Variants in ZDHHC5 observed in about 807,000 individuals in gnomAD.
ZDHHC5 encodes the protein zDHHC palmitoyltransferase 5.
ZDHHC5 carries 22 observed loss-of-function variants against 70.0 expected under a neutral mutation model. The observed-to-expected ratio is 0.31, with a 90% confidence interval of 0.22 to 0.45. The LOEUF is 0.45. ZDHHC5 is among the 20% of genes least tolerant of loss of function. The pLI is 1.00. For missense variants in ZDHHC5, 746 were observed against 926.9 expected (o/e 0.80, Z 2.53); for synonymous variants, 313 against 347.8 (o/e 0.90, Z 1.11).
At chr11:57,693,554 C>T (rs1423434388) in intron 7 of ZDHHC5, among the ~76,000 whole-genome samples, 2 of 152,150 alleles carry the variant, frequency 1.3e-5, no homozygotes, top group African/African-American at 2.4e-5. Context: ...GAATAAGATA[C>T]ACTCTAAAGT....
At chr11:57,669,558 G>A (rs1434386604) in intron 1 of ZDHHC5, among the ~76,000 whole-genome samples, 1 of 152,188 alleles carries the variant, frequency 6.6e-6, no homozygotes, top group East Asian at 1.9e-4. Context: ...CCGGGTTCAA[G>A]CGATTCTCGT....
At chr11:57,676,909 ATTTTTTTTTT>A (rs72474322) in intron 2 of ZDHHC5, among the ~76,000 whole-genome samples, 10 of 80,966 alleles carry the variant, frequency 1.2e-4, no homozygotes, top group African/African-American at 4.2e-4. Context: ...GCTTCACGTG[ATTTTTTTTTT>A]TTTTTTTTTT....
At chr11:57,697,517 C>A (rs1455813875) in intron 10 of ZDHHC5, among the ~76,000 whole-genome samples, 5 of 151,048 alleles carry the variant, frequency 3.3e-5, no homozygotes, top group Admixed American at 6.6e-5. Context: ...TGGGGGGGCA[C>A]CTGTAATCCC....
chr11:57,690,342 G>T lies in ZDHHC5; in HGVS notation c.565G>T (p.Val189Leu), dbSNP rs372679034. 8.1e-6 allele frequency: 13 copies of T among 1,614,066 alleles called. No individual in the cohort carries two copies. In the South Asian group the frequency reaches 1.4e-4, roughly 18 times the overall value. ...SGVRTAVTMA[V>L]MCVAGLFFIP... is the part of the protein sequence containing the mutation. The stretch of plus-strand genomic sequence containing the variant: ...TTGATTGTTTGGCATCAGAATGGCA[G>T]TAATGTGTGTGGCTGGCTTATTCTT... The change falls in exon 6 of 12, where the codon GTA becomes TTA. Residue 189 changes from valine to leucine, a missense_variant. By Grantham distance (32) the Val-to-Leu change is conservative (BLOSUM62 1). This residue lies in a region of ZDHHC5 where 114 missense variants were observed against 179.3 expected (regional missense o/e 0.64). Coordinates refer to ENST00000287169, the MANE Select transcript of ZDHHC5 (RefSeq NM_015457.3).
chr11:57,696,091 G>C (rs746355368), intron 9 of ZDHHC5, 48 bp downstream of exon 9: 8 of 1,579,088 alleles, frequency 5.1e-6, no homozygotes, highest in Non-Finnish European at 6.9e-6. Context: ...GGGCAGGATT[G>C]AGAAGGTTGC....
At chr11:57,697,087 T>TG (rs1397675173) in intron 10 of ZDHHC5, among the ~76,000 whole-genome samples, 1 of 150,540 alleles carries the variant, frequency 6.6e-6, no homozygotes, top group Non-Finnish European at 1.5e-5. Context: ...TCCCAGCACT[T>TG]TGGGAGGCCG....
At chr11:57,677,675 C>T (rs910610464) in intron 2 of ZDHHC5, among the ~76,000 whole-genome samples, 4 of 152,084 alleles carry the variant, frequency 2.6e-5, no homozygotes, top group African/African-American at 7.2e-5. Context: ...ATATAGTTTG[C>T]GGCTTTTCAG....
At chr11:57,694,688 A>G (rs1382025572) in intron 8 of ZDHHC5, among the ~76,000 whole-genome samples, 4 of 152,262 alleles carry the variant, frequency 2.6e-5, no homozygotes, top group Non-Finnish European at 5.9e-5. Context: ...GTTCATTAAC[A>G]ATAGAAAATG....
intron 2 of ZDHHC5, among the ~76,000 whole-genome samples, chr11:57,678,963 C>T (rs375445711): frequency 1.3e-5 from 2 of 152,092 alleles, no homozygotes; most frequent in South Asian, 2.1e-4. Context: ...TGTGGATTAC[C>T]TAAGGCCTTG....
At chr11:57,684,642 C>T (rs1344618167) in intron 3 of ZDHHC5, among the ~76,000 whole-genome samples, 4 of 152,264 alleles carry the variant, frequency 2.6e-5, no homozygotes, top group South Asian at 2.1e-4. Context: ...CTTTCCAGTA[C>T]ATTTCTGAAG....
Position 57,698,583 on chromosome 11 carries a change from G to C in ZDHHC5, c.1147G>C (p.Glu383Gln), listed in dbSNP as rs1180799222. The change falls in exon 11 of 12, where the codon GAG becomes CAG. Residue 383 changes from glutamate to glutamine, a missense_variant. Physicochemically the swap from Glu to Gln is conservative, Grantham distance 29. This residue lies in a region of ZDHHC5 where 179 missense variants were observed against 178.4 expected (regional missense o/e 1.00). Transcript: ENST00000287169. ...GTTGAGTCGTGGGGACAGCTTGAAG[G>C]AGCCAACCTCAATTGCAGAGAGCAG... ...AKLSRGDSLKEPTSIAESSRH... is the reference protein window; with the variant it reads ...AKLSRGDSLKQPTSIAESSRH... 1.2e-6 allele frequency: 2 copies of C among 1,610,810 alleles called. No individual in the cohort carries two copies. The highest frequency in any genetic ancestry group is 2.7e-5 in the African/African-American group (2 of 74,842).
chr11:57,681,585 C>T (rs766045113), intron 2 of ZDHHC5: 1 of 152,188 alleles, frequency 6.6e-6, no homozygotes, highest in Non-Finnish European at 1.5e-5. Flanking sequence ...AGCATTCCTA[C>T]GTAGATTCAA....
chr11:57,695,211 G>C (rs1006415894), intron 8 of ZDHHC5, among the ~76,000 whole-genome samples: 4 of 151,980 alleles, frequency 2.6e-5, no homozygotes, highest in Admixed American at 2.6e-4. Context: ...GCAGTGAGCC[G>C]AGATCATGCC....
rs778867496 is a variant in ZDHHC5, at chr11:57,699,887, C to G, written c.2004C>G (p.Thr668=). The change falls in exon 12 of 12, where the codon ACC becomes ACG. Residue 668 remains threonine (T), a synonymous_variant. Coordinates refer to ENST00000287169, the MANE Select transcript of ZDHHC5 (RefSeq NM_015457.3). ...CCAGAGATGAAGTACAGCTGAAGAC[C>G]ACCTACAGCAAATCCAACGGGCAGC... ...LTPKDEVQLK[T]TYSKSNGQPK... 1 of 1,614,242 alleles carries G rather than the reference C, an allele frequency of 6.2e-7. No homozygotes were observed. Among genetic ancestry groups the G allele is most frequent in the East Asian group, 2.2e-5 (1 of 44,892 alleles).
rs749619862 is a variant in ZDHHC5 at position 57,682,459 on chromosome 11, C to T, written c.142C>T (p.Pro48Ser). The change falls in exon 3 of 12, where the codon CCC becomes TCC. Residue 48 changes from proline to serine, a missense_variant. Pro to Ser is a moderately conservative substitution (Grantham distance 74). Transcript: ENST00000287169. ...GLSLYVSPAV[P>S]IYNAIMFLFV... ...AAGCCTGTATGTGTCACCTGCAGTG[C>T]CCATCTACAATGCAATTATGTTTCT... 6.2e-7 allele frequency: 1 copy of T among 1,614,124 alleles called. No individual in the cohort carries two copies. The highest frequency in any genetic ancestry group is 8.5e-7 in the Non-Finnish European group (1 of 1,179,988).
chr11:57,690,277 T>C, intron 5 of ZDHHC5, 58 bp from the exon 6 acceptor site: 1 of 1,613,106 alleles, frequency 6.2e-7, no homozygotes, highest in Admixed American at 1.7e-5. Flanking sequence ...ATGGCTGCAG[T>C]AGGGGCCGGG....
intron 2 of ZDHHC5, among the ~76,000 whole-genome samples, chr11:57,679,276 C>T (rs1258895585): frequency 6.6e-6 from 1 of 152,152 alleles, no homozygotes; most frequent in East Asian, 1.9e-4. Context: ...ATTCTCTTGC[C>T]TCAGCCTCCC....
At chr11:57,692,833 C>A in intron 7 of ZDHHC5, 131 bp downstream of exon 7, 1 of 847,678 alleles carries the variant, frequency 1.2e-6, no homozygotes, top group Non-Finnish European at 1.8e-6. Flanking sequence ...GTTAAGTACC[C>A]ACTCTATCTT....
At chr11:57,674,107 G>A (rs1410130305) in intron 2 of ZDHHC5, among the ~76,000 whole-genome samples, 1 of 152,184 alleles carries the variant, frequency 6.6e-6, no homozygotes, top group Non-Finnish European at 1.5e-5. Flanking sequence ...TGGGAAGAGA[G>A]TCCTAAAAGA....
Sources: allele counts gnomAD v4.1 joint callset (sites outside exome capture counted in the v4.1 genomes callset), GRCh38; gene constraint gnomAD v4.1.1; regional missense constraint gnomAD v4.1.1; transcripts MANE v1.5; gene names NCBI Gene and HGNC (gene_info 2026-07-23, HGNC 2026-07-21).